The following ZCWPW2 variants were observed in gnomAD, a reference collection of about 807,000 sequenced individuals.
ZCWPW2 encodes the protein zinc finger CW-type and PWWP domain containing 2.
In ZCWPW2, 45 loss-of-function variants were observed where a neutral mutation model predicts 46.6. The observed-to-expected ratio is 0.96, with a 90% CI of 0.76 to 1.24. The LOEUF is 1.24. Ranked by LOEUF, ZCWPW2 falls within the 50% of genes most tolerant of loss-of-function variation. The pLI is 0.00. For missense variants in ZCWPW2, 429 were observed against 403.9 expected, an observed-to-expected ratio of 1.06 and a Z score of -0.53; for synonymous variants, 152 against 137.1, an observed-to-expected ratio of 1.11 and a Z score of -0.76.
chr3:28,386,947 G>A (rs1327689025), intron 1 of ZCWPW2, among the ~76,000 whole-genome samples: 1 of 152,150 alleles, frequency 6.6e-6, no homozygotes. Context: ...CAGACTCCTG[G>A]ATAGGGTGAG....
chr3:28,378,348 T>G (rs1408317930), intron 1 of ZCWPW2, among the ~76,000 whole-genome samples: 1 of 152,072 alleles, frequency 6.6e-6, no homozygotes, highest in East Asian at 1.9e-4. Context: ...TAGAGTGCTC[T>G]CATTCTACTT....
intron 5 of ZCWPW2, among the ~76,000 whole-genome samples, chr3:28,487,829 C>T (rs893916613): frequency 6.6e-6 from 1 of 151,966 alleles, no homozygotes; most frequent in Non-Finnish European, 1.5e-5. Flanking sequence ...TTCCTCCAAC[C>T]CCCCTTTTTT....
In ZCWPW2 at chr3:28,355,216, A is replaced by G. The variant is rs868809074; in HGVS notation, c.-134+6013A>G. On this transcript the variant is annotated intron_variant, in intron 1 of 9. Transcript: ENST00000383768. ...CATTCTTATACACCAATAACAGACA[A>G]ACAGTCAAATCATGAGTGAACTCCC... 6.5e-3 allele frequency among the ~76,000 whole-genome samples: 985 copies of G among 151,416 alleles called. 10 individuals carry two copies. The highest frequency in any genetic ancestry group is 0.011 in the African/African-American group (440 of 40,968).
intron 4 of ZCWPW2, among the ~76,000 whole-genome samples, chr3:28,446,023 T>C (rs1281015721): frequency 2.6e-5 from 4 of 152,124 alleles, no homozygotes; most frequent in African/African-American, 9.7e-5. Flanking sequence ...TTAAAACATA[T>C]GAAGCAAAAT....
chr3:28,395,391 C>A (rs1053913086), intron 2 of ZCWPW2, among the ~76,000 whole-genome samples: 2 of 152,098 alleles, frequency 1.3e-5, no homozygotes, highest in African/African-American at 4.8e-5. Flanking sequence ...TGTATTCCAG[C>A]AATCTTACTT....
chr3:28,389,739 C>T (rs898915152), intron 1 of ZCWPW2, among the ~76,000 whole-genome samples: 5 of 152,110 alleles, frequency 3.3e-5, no homozygotes, highest in African/African-American at 2.4e-5. Context: ...TTTAAGGATA[C>T]ATCTCATGCA....
chr3:28,427,548 C>T (rs1240187367), intron 3 of ZCWPW2, among the ~76,000 whole-genome samples: 1 of 152,086 alleles, frequency 6.6e-6, no homozygotes, highest in Non-Finnish European at 1.5e-5. Flanking sequence ...GTCTTTAGAT[C>T]GGCATGCAAG....
At chr3:28,513,047 A>T (rs546420945) in intron 6 of ZCWPW2, among the ~76,000 whole-genome samples, 23 of 152,326 alleles carry the variant, frequency 1.5e-4, no homozygotes, top group Non-Finnish European at 2.9e-4. Flanking sequence ...AAGTGTTCTC[A>T]TGCCCTCTTC....
At chr3:28,483,788 G>A (rs1364458603) in intron 5 of ZCWPW2, among the ~76,000 whole-genome samples, 1 of 151,856 alleles carries the variant, frequency 6.6e-6, no homozygotes, top group South Asian at 2.1e-4. Flanking sequence ...TACTTGTTTG[G>A]TACTAGTATG....
intron 1 of ZCWPW2, among the ~76,000 whole-genome samples, chr3:28,360,161 G>A (rs562482281): frequency 6.6e-6 from 1 of 151,902 alleles, no homozygotes; most frequent in East Asian, 1.9e-4. Context: ...ATTATAGTAA[G>A]ATGAAACAAA....
chr3:28,447,195 A>G (rs1698027765), intron 4 of ZCWPW2, among the ~76,000 whole-genome samples: 2 of 152,172 alleles, frequency 1.3e-5, no homozygotes, highest in South Asian at 4.1e-4. Context: ...ACACATAAAA[A>G]CACTGCAAAG....
At chr3:28,477,050 T>C (rs1699261587) in intron 4 of ZCWPW2, among the ~76,000 whole-genome samples, 1 of 152,138 alleles carries the variant, frequency 6.6e-6, no homozygotes, top group Admixed American at 6.5e-5. Context: ...ATAGCAACTG[T>C]TCCTACACTA....
At chr3:28,397,772 C>T (rs999306025) in intron 2 of ZCWPW2, among the ~76,000 whole-genome samples, 1 of 152,144 alleles carries the variant, frequency 6.6e-6, no homozygotes, top group Admixed American at 6.5e-5. Flanking sequence ...TTTTATTTAG[C>T]TTATGAATGT....
intron 4 of ZCWPW2, among the ~76,000 whole-genome samples, chr3:28,465,285 T>C (rs1698777424): frequency 6.6e-6 from 1 of 152,204 alleles, no homozygotes; most frequent in Admixed American, 6.5e-5. Flanking sequence ...TTTCACAAAC[T>C]TTATCCAGTA....
Position 28,412,366 on chromosome 3 carries a change from GATTT to G in ZCWPW2, c.-13-684_-13-681del, listed in dbSNP as rs202161304. Among the ~76,000 whole-genome samples the G allele has an allele frequency of 8.6e-5, 13 of 151,848 alleles. No individual in the cohort carries two copies. In the East Asian group the frequency reaches 2.3e-3, roughly 27 times the overall value. On this transcript the variant is annotated intron_variant, in intron 2 of 9. Transcript: ENST00000383768. Reference sequence around the variant, plus strand: ...ATAAATAAAAGCTGAAACTATATGAGATTTATTTAATTTTTAAAAATCTTGCATT... The same window carrying G: ...ATAAATAAAAGCTGAAACTATATGAGATTTAATTTTTAAAAATCTTGCATT...
At chr3:28,403,330 C>A (rs1696023822) in intron 2 of ZCWPW2, among the ~76,000 whole-genome samples, 1 of 152,030 alleles carries the variant, frequency 6.6e-6, no homozygotes, top group Non-Finnish European at 1.5e-5. Context: ...TAGGAATACA[C>A]CTAACCAAGG....
intron 1 of ZCWPW2, among the ~76,000 whole-genome samples, chr3:28,381,517 G>A (rs1222043051): frequency 6.6e-6 from 1 of 152,140 alleles, no homozygotes; most frequent in Non-Finnish European, 1.5e-5. Context: ...AAGTCTGCAT[G>A]TAAGTGGACC....
chr3:28,421,834 T>TGTG (rs1696804171), intron 3 of ZCWPW2, among the ~76,000 whole-genome samples: 9 of 133,912 alleles, frequency 6.7e-5, no homozygotes, highest in African/African-American at 1.7e-4. Context: ...GGAGAATAGT[T>TGTG]TGTGTGTGTG....
intron 1 of ZCWPW2, among the ~76,000 whole-genome samples, chr3:28,382,156 G>C (rs1418677178): frequency 9.2e-5 from 11 of 119,132 alleles, no homozygotes; most frequent in African/African-American, 3.0e-4. Context: ...GAGTCAAACT[G>C]CATCTCAAAA....
Sources: allele counts gnomAD v4.1 joint callset (sites outside exome capture counted in the v4.1 genomes callset), GRCh38; gene constraint gnomAD v4.1.1; transcripts MANE v1.5; gene names NCBI Gene and HGNC (gene_info 2026-07-23, HGNC 2026-07-21).